SOX5: variants seen among roughly 807,000 people sequenced by gnomAD.
The protein encoded by SOX5 is transcription factor SOX-5.
In SOX5, 9 loss-of-function variants were observed where a neutral mutation model predicts 92.0. The observed-to-expected ratio is 0.10, with a 90% confidence interval of 0.06 to 0.17. The LOEUF is 0.17. Ranked by LOEUF, SOX5 falls within the 10% of genes least tolerant of loss-of-function variation. SOX5 has a pLI of 1.00. For synonymous variants in SOX5, 344 were observed against 336.3 expected, an observed-to-expected ratio of 1.02 and a Z score of -0.25; for missense variants, 642 against 944.5, an observed-to-expected ratio of 0.68 and a Z score of 4.20.
At chr12:23,875,804 AT>A (rs2096921369) in intron 2 of SOX5, among the ~76,000 whole-genome samples, 1 of 152,198 alleles carries the variant, frequency 6.6e-6, no homozygotes. Flanking sequence ...CTTTTTGAGA[AT>A]TTTCATAGAA....
chr12:24,041,879 T>A (rs1956561858), intron 4 of SOX5, among the ~76,000 whole-genome samples: 1 of 152,250 alleles, frequency 6.6e-6, no homozygotes, highest in Middle Eastern at 3.4e-3. Context: ...CTTGCTTTAT[T>A]TGATGTATTG....
upstream of SOX5, among the ~76,000 whole-genome samples, chr12:23,951,699 T>TGTCA (rs202075730): frequency 6.5e-3 from 996 of 152,174 alleles, 6 homozygotes; most frequent in Middle Eastern, 0.024. Flanking sequence ...GATTTAAGCA[T>TGTCA]GTCACTATGG....
chr12:24,107,353 C>T (rs1024039124), intron 4 of SOX5, among the ~76,000 whole-genome samples: 7 of 152,150 alleles, frequency 4.6e-5, no homozygotes, highest in African/African-American at 1.7e-4. Flanking sequence ...GATTGAGTTG[C>T]TAACACTATT....
chr12:24,406,861 A>G (rs1963076495), intron 1 of SOX5, among the ~76,000 whole-genome samples: 1 of 152,166 alleles, frequency 6.6e-6, no homozygotes, highest in Admixed American at 6.5e-5. Flanking sequence ...TGAAAAATAA[A>G]TTGTGTTTTG....
chr12:23,673,543 A>G (rs2085145404), intron 6 of SOX5, among the ~76,000 whole-genome samples: 2 of 152,178 alleles, frequency 1.3e-5, no homozygotes, highest in African/African-American at 4.8e-5. Context: ...CATGAAATAT[A>G]ATATAGTTTT....
intron 3 of SOX5, among the ~76,000 whole-genome samples, chr12:23,797,576 G>C (rs1188508086): frequency 2.0e-5 from 3 of 151,972 alleles, no homozygotes; most frequent in Non-Finnish European, 4.4e-5. Context: ...CCCAGGAAAA[G>C]AGCTCCAGGA....
intron 3 of SOX5, among the ~76,000 whole-genome samples, chr12:23,827,287 C>T (rs1012067363): frequency 6.6e-6 from 1 of 152,154 alleles, no homozygotes; most frequent in African/African-American, 2.4e-5. Flanking sequence ...TTCATAATCA[C>T]CTGTATTTGT....
At chr12:24,469,553 T>C (rs781450693) in intron 1 of SOX5, among the ~76,000 whole-genome samples, 4 of 152,192 alleles carry the variant, frequency 2.6e-5, no homozygotes, top group East Asian at 1.9e-4. Context: ...AGATATTCCA[T>C]TGTACAAAAA....
intron 2 of SOX5, among the ~76,000 whole-genome samples, chr12:24,332,994 A>G (rs1297630751): frequency 6.6e-6 from 1 of 152,156 alleles, no homozygotes; most frequent in Non-Finnish European, 1.5e-5. Context: ...TTGGTTTACC[A>G]AGAAACAGTG....
chr12:24,399,934 G>A (rs541683518), intron 1 of SOX5, among the ~76,000 whole-genome samples: 12 of 152,246 alleles, frequency 7.9e-5, no homozygotes, highest in South Asian at 2.1e-4. Flanking sequence ...TACTGGTAGC[G>A]TAAGGAAAAT....
intron 1 of SOX5, among the ~76,000 whole-genome samples, chr12:23,913,152 ATAT>A (rs111824165): frequency 0.023 from 3,539 of 152,294 alleles, 119 homozygotes; most frequent in African/African-American, 0.08. Flanking sequence ...CTTGCTCCAA[ATAT>A]TATCATATTT....
rs576247944 is a variant in SOX5 at position 24,195,565 on chromosome 12, A to G, written c.-2+17778T>C. On this transcript the variant is annotated intron_variant, in intron 4 of 4. Transcript: ENST00000446891. ...TAACATTAAGAATGGAAAGAGAAGA[A>G]CTCAATATATCTGCCTAACTAGAAT... 2.3e-4 allele frequency among the ~76,000 whole-genome samples: 35 copies of G among 152,314 alleles called. 1 individual carries two copies. The highest frequency in any genetic ancestry group is 3.4e-3 in the Middle Eastern group (1 of 294).
At chr12:23,999,098 G>A (rs1951330818) in intron 4 of SOX5, among the ~76,000 whole-genome samples, 1 of 150,932 alleles carries the variant, frequency 6.6e-6, no homozygotes, top group Admixed American at 6.6e-5. Flanking sequence ...AGAAGCAGCA[G>A]GATAGGACAA....
At chr12:23,939,830 C>A (rs1345101671) in intron 1 of SOX5, among the ~76,000 whole-genome samples, 2 of 151,038 alleles carry the variant, frequency 1.3e-5, no homozygotes, top group African/African-American at 2.4e-5. Flanking sequence ...AAATTGCCAA[C>A]TAGCAACTAT....
chr12:23,812,603 C>A (rs979762994), intron 3 of SOX5, among the ~76,000 whole-genome samples: 1 of 152,058 alleles, frequency 6.6e-6, no homozygotes, highest in African/African-American at 2.4e-5. Context: ...GCCAAACCAA[C>A]CAGGAGAATT....
intron 4 of SOX5, among the ~76,000 whole-genome samples, chr12:24,096,768 A>C (rs1945464246): frequency 1.3e-5 from 2 of 152,186 alleles, no homozygotes; most frequent in African/African-American, 4.8e-5. Flanking sequence ...TATTATAAAT[A>C]CTTGTGCAAA....
rs922193335 is a variant in SOX5, at chr12:24,289,746, C to T, written c.-173-12434G>A. Reference sequence around the variant, plus strand: ...CTGGGATTACAGGCGTGAGCCACCGCGCCCGGCCGGACATTTGTATCTTGA... The same window carrying T: ...CTGGGATTACAGGCGTGAGCCACCGTGCCCGGCCGGACATTTGTATCTTGA... On this transcript the variant is annotated intron_variant, in intron 2 of 4. Transcript: ENST00000446891. Among the ~76,000 whole-genome samples the T allele has an allele frequency of 5.9e-5, 9 of 152,090 alleles. 1 individual carries two copies. Among genetic ancestry groups the T allele is most frequent in the Admixed American group, 3.9e-4 (6 of 15,296 alleles).
intron 4 of SOX5, among the ~76,000 whole-genome samples, chr12:24,093,172 T>G (rs1420934122): frequency 2.6e-5 from 4 of 152,184 alleles, no homozygotes; most frequent in Non-Finnish European, 4.4e-5. Flanking sequence ...ATCAATACTT[T>G]GTCACTACGG....
In SOX5 at chr12:23,895,997, C is replaced by G; in HGVS notation, c.66G>C (p.Pro22=). The stretch of plus-strand genomic sequence containing the variant: ...CTACCTCTCCATCTGCTTCCCCATA[C>G]GGAGAGGCTGGTCGCTTGGAAGACA... ...ERMSSKRPAS[P]YGEADGEVAM... The change falls in exon 2 of 15, where the codon CCG becomes CCC. Residue 22 remains proline (P), a synonymous_variant. Coordinates refer to ENST00000451604, the MANE Select transcript of SOX5 (RefSeq NM_006940.6). The G allele has an allele frequency of 5.0e-6, 8 of 1,613,690 alleles. No individual in the cohort carries two copies. Among genetic ancestry groups the G allele is most frequent in the Non-Finnish European group, 6.8e-6 (8 of 1,179,660 alleles).
Sources: allele counts gnomAD v4.1 joint callset (sites outside exome capture counted in the v4.1 genomes callset), GRCh38; gene constraint gnomAD v4.1.1; transcripts MANE v1.5; gene names NCBI Gene and HGNC (gene_info 2026-07-23, HGNC 2026-07-21).